TCF20: variants seen among roughly 807,000 people sequenced by gnomAD.
The protein encoded by TCF20 is SPRE-binding protein.
Under a neutral mutation model 148.6 loss-of-function variants are expected in TCF20, and 3 were observed. That is an observed-to-expected ratio of 0.02 (90% confidence interval 0.01 to 0.05). The LOEUF is 0.05. Among genes scored for constraint, TCF20 ranks in the 10% least tolerant of loss-of-function variants. The pLI, the probability that TCF20 is intolerant of heterozygous loss-of-function variation, is 1.00. For missense variants in TCF20, 2,350 were observed against 2,429.3 expected, an observed-to-expected ratio of 0.97 and a Z score of 0.69; for synonymous variants, 1,049 against 909.5, an observed-to-expected ratio of 1.15 and a Z score of -2.76.
At position 42,161,153 on chromosome 22, in the gene TCF20, G is replaced by A. The variant is rs1935427190; in HGVS notation, c.*250C>T. The A allele has an allele frequency of 5.7e-6, 2 of 353,278 alleles. No homozygotes were observed. The highest frequency in any genetic ancestry group is 1.3e-4 in the East Asian group (2 of 15,852). 21.9% of individuals were successfully genotyped at this position (353,278 alleles called of 1,614,324 possible). A position where few individuals can be genotyped will look rare whatever the true frequency, so the allele number is the denominator to read the frequency against. On this transcript the variant is annotated 3_prime_UTR_variant, in exon 6 of 6. Coordinates refer to ENST00000677622, the MANE Select transcript of TCF20 (RefSeq NM_001378418.1). ...CCCACATTGTCACTATGGAGATTGTGTCCATGGAAACAGCCATTCCAACGT... is the reference window on the plus strand; with the variant it reads ...CCCACATTGTCACTATGGAGATTGTATCCATGGAAACAGCCATTCCAACGT...
intron 1 of TCF20, among the ~76,000 whole-genome samples, chr22:42,329,108 A>G (rs956295776): frequency 1.3e-5 from 2 of 152,180 alleles, no homozygotes; most frequent in Admixed American, 6.5e-5. Flanking sequence ...GGTCTCCAAG[A>G]GCCCGGGAGA....
chr22:42,334,481 T>C (rs1928031829), intron 1 of TCF20, among the ~76,000 whole-genome samples: 1 of 152,002 alleles, frequency 6.6e-6, no homozygotes, highest in Non-Finnish European at 1.5e-5. Flanking sequence ...GTTCACTCAG[T>C]CAGTCAACAA....
chr22:42,318,239 C>T lies in TCF20; in HGVS notation c.-37+25240G>A, dbSNP rs1204299783. ...TACCTGTACCATGCTGATGTCACGC[C>T]GAGCTATTTCCAGCCCAGTTGCCAT... On this transcript the variant is annotated intron_variant, in intron 1 of 1. Coordinates refer to the TCF20 transcript ENST00000515426. 3.3e-5 allele frequency among the ~76,000 whole-genome samples: 5 copies of T among 152,230 alleles called. 1 individual carries two copies. In the East Asian group the frequency reaches 7.7e-4, roughly 23 times the overall value.
chr22:42,296,023 T>C (rs1253911859), intron 1 of TCF20, among the ~76,000 whole-genome samples: 1 of 152,230 alleles, frequency 6.6e-6, no homozygotes, highest in Admixed American at 6.5e-5. Context: ...CCTTCCCCGT[T>C]TTCTAGCTAT....
chr22:42,225,428 C>CA (rs2015324727), intron 1 of TCF20, among the ~76,000 whole-genome samples: 1 of 151,034 alleles, frequency 6.6e-6, no homozygotes, highest in Non-Finnish European at 1.5e-5. Context: ...TCCTGGCTAA[C>CA]AAGGTGAAAC....
chr22:42,219,933 T>C (rs1004237754), intron 1 of TCF20, among the ~76,000 whole-genome samples: 4 of 152,154 alleles, frequency 2.6e-5, no homozygotes, highest in African/African-American at 9.7e-5. Flanking sequence ...TTCTCCTATA[T>C]TCCTAACTTT....
At chr22:42,330,065 A>C (rs1927945863) in intron 1 of TCF20, among the ~76,000 whole-genome samples, 1 of 152,130 alleles carries the variant, frequency 6.6e-6, no homozygotes, top group Non-Finnish European at 1.5e-5. Context: ...ACAGGGACCC[A>C]GGCCCACCGC....
intron 1 of TCF20, among the ~76,000 whole-genome samples, chr22:42,238,978 T>C (rs112463715): frequency 0.18 from 26,777 of 151,190 alleles, 2,603 homozygotes; most frequent in East Asian, 0.35. Flanking sequence ...ATTAGCCAGG[T>C]GTGATGGCGG....
intron 1 of TCF20, among the ~76,000 whole-genome samples, chr22:42,232,553 C>T (rs1191247172): frequency 6.6e-6 from 1 of 152,090 alleles, no homozygotes; most frequent in African/African-American, 2.4e-5. Flanking sequence ...ATCGGCCGGG[C>T]GCAGTGGCTC....
chr22:42,315,313 C>T (rs1294624228), intron 1 of TCF20, among the ~76,000 whole-genome samples: 1 of 152,154 alleles, frequency 6.6e-6, no homozygotes, highest in Non-Finnish European at 1.5e-5. Context: ...AGAGGCACCA[C>T]AGTGGGCTCC....
At chr22:42,161,455 G>T in intron 5 of TCF20, 97 bp from the exon 6 acceptor site, 1 of 1,554,332 alleles carries the variant, frequency 6.4e-7, no homozygotes, top group Non-Finnish European at 8.9e-7. Flanking sequence ...CTTTCAGCAG[G>T]GAGCCTGCAC....
chr22:42,212,031 T>C lies in TCF20; in HGVS notation c.3275A>G (p.Gln1092Arg). 6.2e-7 allele frequency: 1 copy of C among 1,614,200 alleles called. No individual in the cohort carries two copies. The highest frequency in any genetic ancestry group is 8.5e-7 in the Non-Finnish European group (1 of 1,180,038). Reference sequence around the variant, plus strand: ...CCAGTCTTTATACTCCTCTGGTTGCTGTTGGTACATCTGTCTCTTATAATG... The same window carrying C: ...CCAGTCTTTATACTCCTCTGGTTGCCGTTGGTACATCTGTCTCTTATAATG... Reference protein sequence around the residue: ...QLHYKRQMYQQQPEEYKDWSS... With the variant: ...QLHYKRQMYQRQPEEYKDWSS... Residue 1092 changes from glutamine to arginine, a missense_variant, in exon 2 of 6, where the codon CAG (glutamine) becomes CGG (arginine). This residue lies in a region of TCF20 where 1,641 missense variants were observed against 1,662.6 expected (regional missense o/e 0.99). Transcript: ENST00000677622.
intron 1 of TCF20, among the ~76,000 whole-genome samples, chr22:42,240,841 A>G (rs1924328922): frequency 6.6e-6 from 1 of 152,028 alleles, no homozygotes; most frequent in African/African-American, 2.4e-5. Flanking sequence ...AGTCCATAAA[A>G]AACTCAAATC....
chr22:42,213,846 T>C lies in TCF20; in HGVS notation c.1460A>G (p.Lys487Arg), dbSNP rs757213355. The change falls in exon 2 of 6, where the codon AAG (lysine) becomes AGG (arginine). Residue 487 changes from lysine to arginine, a missense_variant. Lys to Arg is a conservative substitution (Grantham distance 26). Transcript: ENST00000677622. Reference protein sequence around the residue: ...DALTPQKKTSKRPSSSKKADS... With the variant: ...DALTPQKKTSRRPSSSKKADS... ...TGCTTTCTTGGAAGATGAGGGCCTC[T>C]TGGAGGTCTTCTTCTGAGGAGTCAG... The C allele has an allele frequency of 1.9e-6, 3 of 1,614,192 alleles. No individual in the cohort carries two copies. Among genetic ancestry groups the C allele is most frequent in the Non-Finnish European group, 2.5e-6 (3 of 1,180,038 alleles).
intron 1 of TCF20, among the ~76,000 whole-genome samples, chr22:42,283,438 C>T (rs1327863334): frequency 6.6e-6 from 1 of 151,786 alleles, no homozygotes; most frequent in Non-Finnish European, 1.5e-5. Flanking sequence ...GGCGGGCACT[C>T]GGCCCCTGGG....
intron 1 of TCF20, among the ~76,000 whole-genome samples, chr22:42,252,238 G>A (rs1925433970): frequency 6.7e-6 from 1 of 149,392 alleles, no homozygotes; most frequent in Non-Finnish European, 1.5e-5. Context: ...AGTGAGCCGA[G>A]CACCACTGCA....
rs1307931765 is a variant in TCF20, at chr22:42,338,644, G to A, written c.-37+4835C>T. Among the ~76,000 whole-genome samples the A allele has an allele frequency of 6.6e-6, 1 of 152,250 alleles. No individual in the cohort carries two copies. Reference sequence around the variant, plus strand: ...TGCCTGCTCGGGAAAGGCGGAGGCAGACAGCCATGTTGCCAGCTCCTGCGA... The same window carrying A: ...TGCCTGCTCGGGAAAGGCGGAGGCAAACAGCCATGTTGCCAGCTCCTGCGA... On this transcript the variant is annotated intron_variant, in intron 1 of 1. Coordinates refer to the TCF20 transcript ENST00000515426. The surrounding 1 kb of genome is among the most constrained non-coding windows in gnomAD (Gnocchi z 4.0).
rs777073379 is a variant in TCF20, at chr22:42,211,022, T to C, written c.4284A>G (p.Lys1428=). The change falls in exon 2 of 6, where the codon AAA becomes AAG. Residue 1428 remains lysine, a synonymous_variant. Coordinates refer to ENST00000677622, the MANE Select transcript of TCF20 (RefSeq NM_001378418.1). ...ACTCTTCTGAAGACCTTGGAAGAGG[T>C]TTCTCTACGTGCAACTCCTGGTTTG... ...SPANQELHVE[K]PLPRSSEEWR... 8 of 1,614,042 alleles carry C rather than the reference T, an allele frequency of 5.0e-6. No homozygotes were observed. In the East Asian group the frequency reaches 1.6e-4, roughly 31 times the overall value.
At chr22:42,168,887 G>A (rs2147054943) in intron 4 of TCF20, 151 bp from the exon 5 acceptor site, 1 of 1,037,696 alleles carries the variant, frequency 9.6e-7, no homozygotes, top group East Asian at 3.1e-5. Context: ...TTCAGACAGG[G>A]TTTTCTGAGG....
Sources: gnomAD v4.1 joint callset for allele counts (sites outside exome capture counted in the v4.1 genomes callset) on GRCh38, gnomAD v4.1.1 for gene constraint, gnomAD v4.1.1 regional missense constraint, Gnocchi (gnomAD v3.1) non-coding constraint, MANE v1.5 for transcripts, NCBI Gene and HGNC (gene_info 2026-07-23, HGNC 2026-07-21) for gene names.